The following SLC10A7 variants were observed in gnomAD, a reference collection of about 807,000 sequenced individuals.
SLC10A7 encodes the protein solute carrier family 10 member 7.
A neutral mutation model predicts 43.2 loss-of-function variants in SLC10A7; 29 were observed. The observed-to-expected ratio is 0.67, with a 90% confidence interval of 0.50 to 0.92. SLC10A7 has a LOEUF of 0.92. SLC10A7 is among the 40% of genes least tolerant of loss of function. The pLI is 0.00. For synonymous variants in SLC10A7, 152 were observed against 144.8 expected (o/e 1.05, Z -0.35); for missense variants, 295 against 403.2 (o/e 0.73, Z 2.30).
rs77162741 is a variant in SLC10A7 at position 146,423,094 on chromosome 4, T to C, written c.435+19689A>G. Among the ~76,000 whole-genome samples, 361 of 152,266 alleles carry C rather than the reference T, an allele frequency of 2.4e-3. 10 individuals are homozygous for C. In the East Asian group the frequency reaches 0.057, roughly 24 times the overall value. On this transcript the variant is annotated intron_variant, in intron 5 of 11. Coordinates refer to ENST00000335472, the MANE Select transcript of SLC10A7 (RefSeq NM_001029998.6). ...ATGAATAAATATGTATAAAAAGTTCTTTCACAAGTCCATTAAGCACATAGA... is the reference window on the plus strand; with the variant it reads ...ATGAATAAATATGTATAAAAAGTTCCTTCACAAGTCCATTAAGCACATAGA...
At position 146,271,709 on chromosome 4, in the gene SLC10A7, C is replaced by T. The variant is rs1053278050; in HGVS notation, c.847+11483G>A. 3.3e-5 allele frequency among the ~76,000 whole-genome samples: 5 copies of T among 152,146 alleles called. No individual in the cohort carries two copies. The South Asian group carries it at 8.3e-4, about 25-fold the overall frequency. On this transcript the variant is annotated intron_variant, in intron 10 of 11. Coordinates refer to ENST00000335472, the MANE Select transcript of SLC10A7 (RefSeq NM_001029998.6). ...ATAAGGCCTAACACAATATTATTGG[C>T]CCCTCTCCCATTACCATTCCCCGGT...
At chr4:146,390,575 G>A (rs1738355416) in intron 5 of SLC10A7, among the ~76,000 whole-genome samples, 1 of 152,154 alleles carries the variant, frequency 6.6e-6, no homozygotes, top group Non-Finnish European at 1.5e-5. Context: ...GGTCAAGACT[G>A]CAGTGAACCA....
chr4:146,444,317 C>A (rs1205611078), intron 4 of SLC10A7, among the ~76,000 whole-genome samples: 1 of 152,126 alleles, frequency 6.6e-6, no homozygotes, highest in Non-Finnish European at 1.5e-5. Context: ...GGAAGGAGGT[C>A]TTCCCCTTTG....
chr4:146,293,241 T>C (rs1283876529), intron 8 of SLC10A7, among the ~76,000 whole-genome samples: 1 of 152,196 alleles, frequency 6.6e-6, no homozygotes, highest in Non-Finnish European at 1.5e-5. Context: ...GTTATTTAAT[T>C]TGGTCAATTT....
intron 10 of SLC10A7, among the ~76,000 whole-genome samples, chr4:146,271,283 A>G (rs965946834): frequency 6.6e-6 from 1 of 152,140 alleles, no homozygotes; most frequent in Non-Finnish European, 1.5e-5. Context: ...ACTTTCAACC[A>G]CTAACATCTG....
At chr4:146,443,368 C>T (rs769957991) in intron 4 of SLC10A7, among the ~76,000 whole-genome samples, 1 of 151,952 alleles carries the variant, frequency 6.6e-6, no homozygotes, top group Non-Finnish European at 1.5e-5. Context: ...TAAAGAAAAG[C>T]AAGAAAAGCT....
At chr4:146,431,513 C>T (rs560014689) in intron 5 of SLC10A7, among the ~76,000 whole-genome samples, 3 of 151,938 alleles carry the variant, frequency 2.0e-5, no homozygotes, top group Non-Finnish European at 2.9e-5. Flanking sequence ...AAGCTTCATA[C>T]GTATAAAGGC....
intron 4 of SLC10A7, among the ~76,000 whole-genome samples, chr4:146,461,236 A>G (rs1732501304): frequency 6.6e-6 from 1 of 152,006 alleles, no homozygotes; most frequent in African/African-American, 2.4e-5. Flanking sequence ...AAAATACTAG[A>G]ACTAGCACTT....
intron 6 of SLC10A7, among the ~76,000 whole-genome samples, chr4:146,312,465 A>T (rs1193860404): frequency 2.6e-5 from 4 of 152,120 alleles, no homozygotes; most frequent in Non-Finnish European, 5.9e-5. Flanking sequence ...TCACTTAGCA[A>T]ATTTTAAATA....
intron 4 of SLC10A7, among the ~76,000 whole-genome samples, chr4:146,468,354 G>A (rs1733238902): frequency 6.6e-6 from 1 of 152,094 alleles, no homozygotes; most frequent in South Asian, 2.1e-4. Context: ...TAAAGCTTCT[G>A]ATAAATTTGA....
At chr4:146,374,613 T>TATATACATAC (rs1286344996) in intron 5 of SLC10A7, among the ~76,000 whole-genome samples, 16 of 119,494 alleles carry the variant, frequency 1.3e-4, no homozygotes, top group African/African-American at 5.4e-4. Context: ...TATATATATA[T>TATATACATAC]ACACATACAC....
intron 5 of SLC10A7, among the ~76,000 whole-genome samples, chr4:146,425,361 C>A (rs182743865): frequency 3.0e-4 from 46 of 152,286 alleles, no homozygotes; most frequent in African/African-American, 1.1e-3. Context: ...TCCAGTAGAG[C>A]AATGATGAAA....
intron 5 of SLC10A7, among the ~76,000 whole-genome samples, chr4:146,409,692 G>A (rs574209734): frequency 9.0e-4 from 137 of 152,230 alleles, no homozygotes; most frequent in Non-Finnish European, 1.5e-3. Context: ...ATTTTATGCT[G>A]GGTTAAGCCA....
At chr4:146,361,141 T>A (rs1350834022) in intron 5 of SLC10A7, among the ~76,000 whole-genome samples, 2 of 152,178 alleles carry the variant, frequency 1.3e-5, no homozygotes, top group Non-Finnish European at 2.9e-5. Flanking sequence ...TATATTTTAA[T>A]AATTGTCTTC....
rs564278249 is a variant in SLC10A7 at position 146,293,988 on chromosome 4, C to A, written c.663G>T (p.Thr221=). Residue 221 remains threonine, a synonymous_variant, in exon 8 of 12, where the codon ACG becomes ACT. Transcript: ENST00000335472. ...LMIIYTTFCD[T]FSNPNIDLDK... Reference sequence around the variant, plus strand: ...CCAGGTCAATATTTGGGTTAGAGAACGTGTCACAGAATGTTGTGTAGATGA... The same window carrying A: ...CCAGGTCAATATTTGGGTTAGAGAAAGTGTCACAGAATGTTGTGTAGATGA... The A allele has an allele frequency of 1.9e-6, 3 of 1,613,248 alleles. No homozygotes were observed. The highest frequency in any genetic ancestry group is 1.7e-6 in the Non-Finnish European group (2 of 1,179,474).
At chr4:146,342,326 A>G (rs1734322613) in intron 5 of SLC10A7, among the ~76,000 whole-genome samples, 1 of 151,814 alleles carries the variant, frequency 6.6e-6, no homozygotes, top group Admixed American at 6.6e-5. Context: ...TGAAATTTAT[A>G]AGAGCTGTTG....
intron 4 of SLC10A7, among the ~76,000 whole-genome samples, chr4:146,464,294 G>C (rs987315588): frequency 1.3e-5 from 2 of 152,066 alleles, no homozygotes; most frequent in African/African-American, 4.8e-5. Context: ...AAAACAGTAC[G>C]CATTGTATGA....
At chr4:146,439,605 A>G (rs557216197) in intron 5 of SLC10A7, among the ~76,000 whole-genome samples, 41 of 152,244 alleles carry the variant, frequency 2.7e-4, no homozygotes, top group African/African-American at 9.6e-4. Context: ...CAAAGCTTCA[A>G]TAAAAACCTA....
intron 6 of SLC10A7, among the ~76,000 whole-genome samples, chr4:146,321,211 G>A (rs1005579586): frequency 3.3e-5 from 5 of 152,168 alleles, no homozygotes; most frequent in Admixed American, 3.3e-4. Context: ...CTCTAAATCC[G>A]AAATCAAGCA....
Sources: allele counts gnomAD v4.1 joint callset (sites outside exome capture counted in the v4.1 genomes callset), GRCh38; gene constraint gnomAD v4.1.1; transcripts MANE v1.5; gene names NCBI Gene and HGNC (gene_info 2026-07-23, HGNC 2026-07-21).